Variants in NEMF observed in about 807,000 individuals in gnomAD.
NEMF encodes nuclear export mediator factor.
A neutral mutation model predicts 162.2 loss-of-function variants in NEMF; 89 were observed. That is an observed-to-expected ratio of 0.55 (90% CI 0.46 to 0.65). NEMF has a LOEUF of 0.65. Ranked by LOEUF, NEMF falls within the 30% of genes least tolerant of loss-of-function variation. The pLI is 0.00. For missense variants in NEMF, 1,133 were observed against 1,261.9 expected, an observed-to-expected ratio of 0.90 and a Z score of 1.55; for synonymous variants, 421 against 404.5, an observed-to-expected ratio of 1.04 and a Z score of -0.49.
intron 20 of NEMF, 59 bp from the exon 21 acceptor site, chr14:49,802,786 T>G (rs534103719): frequency 3.0e-6 from 4 of 1,337,880 alleles, no homozygotes; most frequent in Non-Finnish European, 4.2e-6. Flanking sequence ...TTTTTGCTTG[T>G]AAAACAAAAA....
intron 16 of NEMF, among the ~76,000 whole-genome samples, chr14:49,819,572 A>G (rs949003796): frequency 3.3e-5 from 5 of 151,870 alleles, no homozygotes; most frequent in African/African-American, 1.2e-4. Flanking sequence ...GCACAACCAC[A>G]CCTAGCTAAT....
Position 49,805,046 on chromosome 14 carries a change from C to T in NEMF, c.1857+975G>A, listed in dbSNP as rs374254178. ...CTCCATCTCAAAACGAACAAACAAACACAAAAAACCAGCAAGGGATTAAAA... is the reference window on the plus strand; with the variant it reads ...CTCCATCTCAAAACGAACAAACAAATACAAAAAACCAGCAAGGGATTAAAA... On this transcript the variant is annotated intron_variant, in intron 19 of 32. Coordinates refer to ENST00000298310, the MANE Select transcript of NEMF (RefSeq NM_004713.6). Among the ~76,000 whole-genome samples the T allele has an allele frequency of 3.1e-4, 47 of 152,098 alleles. 1 individual carries two copies. In the East Asian group the frequency reaches 7.5e-3, roughly 24 times the overall value.
intron 29 of NEMF, chr14:49,785,562 T>G: frequency 2.4e-6 from 1 of 415,162 alleles, no homozygotes; most frequent in Non-Finnish European, 4.5e-6. Flanking sequence ...ACAATAATTT[T>G]CAAAATCCTA....
chr14:49,820,755 T>C (rs546756382), intron 16 of NEMF, among the ~76,000 whole-genome samples: 16 of 152,248 alleles, frequency 1.1e-4, no homozygotes, highest in Non-Finnish European at 2.2e-4. Context: ...GTGCCTGCGA[T>C]TGCAGGTGCG....
At chr14:49,793,394 ATAGG>A (rs1890543650) in intron 26 of NEMF, among the ~76,000 whole-genome samples, 1 of 152,160 alleles carries the variant, frequency 6.6e-6, no homozygotes, top group Non-Finnish European at 1.5e-5. Context: ...AGTTTCAAAA[ATAGG>A]TAGGGCGCAG....
intron 5 of NEMF, 110 bp downstream of exon 5, chr14:49,840,608 C>T (rs1893152186): frequency 8.2e-6 from 7 of 853,786 alleles, no homozygotes; most frequent in Non-Finnish European, 1.3e-5. Context: ...AGTTCTTTCA[C>T]GTTCTGACAT....
At chr14:49,835,781 C>G (rs1892868598) in intron 6 of NEMF, among the ~76,000 whole-genome samples, 1 of 152,056 alleles carries the variant, frequency 6.6e-6, no homozygotes, top group South Asian at 2.1e-4. Context: ...ACAAAAAAAC[C>G]CTACTAGAAT....
In NEMF at chr14:49,782,650, T is replaced by C; in HGVS notation, c.*1986A>G. On this transcript the variant is annotated 3_prime_UTR_variant, in exon 33 of 33. Coordinates refer to ENST00000298310, the MANE Select transcript of NEMF (RefSeq NM_004713.6). Reference sequence around the variant, plus strand: ...ATTTAAAATTGTGTTTCCTAAGACTTAGCACTCTCGAAAAACTAGGTTTAT... The same window carrying C: ...ATTTAAAATTGTGTTTCCTAAGACTCAGCACTCTCGAAAAACTAGGTTTAT... The C allele has an allele frequency of 6.9e-7, 1 of 1,455,252 alleles. No homozygotes were observed. The highest frequency in any genetic ancestry group is 9.4e-7 in the Non-Finnish European group (1 of 1,063,724). 90.1% of individuals were successfully genotyped at this position (1,455,252 alleles called of 1,614,324 possible).
chr14:49,840,419 G>C (rs191486355), intron 5 of NEMF, among the ~76,000 whole-genome samples: 2 of 150,354 alleles, frequency 1.3e-5, no homozygotes, highest in Non-Finnish European at 3.0e-5. Flanking sequence ...CTGAGATCGT[G>C]CCACTGCACT....
intron 26 of NEMF, among the ~76,000 whole-genome samples, chr14:49,791,778 T>C (rs1362769770): frequency 6.6e-6 from 1 of 151,030 alleles, no homozygotes; most frequent in Non-Finnish European, 1.5e-5. Context: ...GCCAAAGATT[T>C]GTGCATTTTA....
Position 49,831,341 on chromosome 14 carries a change from G to T in NEMF, c.903C>A (p.Ser301=). 6.2e-7 allele frequency: 1 copy of T among 1,601,222 alleles called. No homozygotes were observed. Among genetic ancestry groups the T allele is most frequent in the Non-Finnish European group, 8.6e-7 (1 of 1,169,266 alleles). ...AGTCAATTTTCTGGCCTTCTATCTTGGAATAAAATTCATCCACCGCCTTAT... is the reference window on the plus strand; with the variant it reads ...AGTCAATTTTCTGGCCTTCTATCTTTGAATAAAATTCATCCACCGCCTTAT... ...SFDKAVDEFY[S]KIEGQKIDLK... The change falls in exon 11 of 33, where the codon TCC becomes TCA. Residue 301 remains serine (S), a synonymous_variant. Coordinates refer to ENST00000298310, the MANE Select transcript of NEMF (RefSeq NM_004713.6).
chr14:49,826,984 C>T (rs1892382851), intron 15 of NEMF, among the ~76,000 whole-genome samples: 1 of 152,020 alleles, frequency 6.6e-6, no homozygotes, highest in Non-Finnish European at 1.5e-5. Flanking sequence ...GGCAAAGACC[C>T]TGAGAGGGGA....
At position 49,783,675 on chromosome 14, in the gene NEMF, T is replaced by C. The variant is rs1461329826; in HGVS notation, c.*961A>G. 6.6e-6 allele frequency: 1 copy of C among 151,876 alleles called. No individual in the cohort carries two copies. The highest frequency in any genetic ancestry group is 1.5e-5 in the Non-Finnish European group (1 of 67,884). 9.4% of individuals were successfully genotyped at this position (151,876 alleles called of 1,614,324 possible). ...AAAATGCGCTTCTGGTATTATAGGTTAAGATACTCTAACGTGCTATATTGG... is the reference window on the plus strand; with the variant it reads ...AAAATGCGCTTCTGGTATTATAGGTCAAGATACTCTAACGTGCTATATTGG... On this transcript the variant is annotated 3_prime_UTR_variant, in exon 33 of 33. Transcript: ENST00000298310.
chr14:49,846,754 T>A (rs568374966), intron 3 of NEMF, among the ~76,000 whole-genome samples: 20 of 152,192 alleles, frequency 1.3e-4, no homozygotes, highest in Non-Finnish European at 2.4e-4. Flanking sequence ...CGTAAGCTAC[T>A]GAGCCAGGCT....
At chr14:49,798,681 G>A (rs1371579752) in intron 25 of NEMF, among the ~76,000 whole-genome samples, 1 of 152,140 alleles carries the variant, frequency 6.6e-6, no homozygotes, top group African/African-American at 2.4e-5. Flanking sequence ...GGCCAAAGCG[G>A]GTGATCACGA....
At chr14:49,793,876 C>G (rs12586935) in intron 26 of NEMF, among the ~76,000 whole-genome samples, 27,881 of 150,830 alleles carry the variant, frequency 0.18, 3,804 homozygotes, top group East Asian at 0.78. Flanking sequence ...AAAAAAAATT[C>G]CCCAGGTTTA....
Position 49,800,493 on chromosome 14 carries a change from T to C in NEMF, c.2299A>G (p.Met767Val). The C allele has an allele frequency of 6.2e-7, 1 of 1,613,970 alleles. No homozygotes were observed. The change falls in exon 23 of 33, where the codon ATG (methionine) becomes GTG (valine). Residue 767 changes from methionine to valine, a missense_variant. Physicochemically the swap from Met to Val is conservative, Grantham distance 21 (BLOSUM62 1). Coordinates refer to ENST00000298310, the MANE Select transcript of NEMF (RefSeq NM_004713.6). Reference sequence around the variant, plus strand: ...AATGTCTCTTCCCCTTCATCCTTCATTTCACCAACAGAATCCTGATCTTTT... The same window carrying C: ...AATGTCTCTTCCCCTTCATCCTTCACTTCACCAACAGAATCCTGATCTTTT... Reference protein sequence around the residue: ...VRKDQDSVGEMKDEGEETLNY... With the variant: ...VRKDQDSVGEVKDEGEETLNY...
At position 49,784,935 on chromosome 14, in the gene NEMF, C is replaced by T. The variant is rs752834822; in HGVS notation, c.3143G>A (p.Arg1048His). Residue 1048 changes from arginine to histidine, a missense_variant, in exon 32 of 33, where the codon CGC (arginine) becomes CAC (histidine). By Grantham distance (29) the Arg-to-His change is conservative. This residue lies in a region of NEMF where 532 missense variants were observed against 578.6 expected (regional missense o/e 0.92). Coordinates refer to ENST00000298310, the MANE Select transcript of NEMF (RefSeq NM_004713.6). ...GAAGGAGAACTTTACCTTTACGCTG[C>T]GGAATAAGTCTTTTTCTCTTGCTGT... ...EATAREKDLF[R>H]SVKDTDLSRN... The T allele has an allele frequency of 2.6e-5, 42 of 1,612,972 alleles. No individual in the cohort carries two copies. Among genetic ancestry groups the T allele is most frequent in the East Asian group, 1.6e-4 (7 of 44,856 alleles).
intron 32 of NEMF, 45 bp downstream of exon 32, chr14:49,784,880 T>C (rs368080771): frequency 1.3e-6 from 2 of 1,521,546 alleles, no homozygotes; most frequent in South Asian, 1.1e-5. Flanking sequence ...ACATTTTAAA[T>C]TGTACTGTCA....
Sources: allele counts gnomAD v4.1 joint callset (sites outside exome capture counted in the v4.1 genomes callset), GRCh38; gene constraint gnomAD v4.1.1; regional missense constraint gnomAD v4.1.1; transcripts MANE v1.5; gene names NCBI Gene and HGNC (gene_info 2026-07-23, HGNC 2026-07-21).